RAP1GAP2: variants seen among roughly 807,000 people sequenced by gnomAD.
RAP1GAP2 encodes rap1 GTPase-activating protein 2.
Under a neutral mutation model 95.0 loss-of-function variants are expected in RAP1GAP2, and 27 were observed. That is an observed-to-expected ratio of 0.28 (90% confidence interval 0.21 to 0.39). The LOEUF (loss-of-function observed/expected upper bound fraction) is 0.39, where lower values mean the gene tolerates loss of function less well. Among genes scored for constraint, RAP1GAP2 ranks in the 10% least tolerant of loss-of-function variants. The pLI is 1.00. For missense variants in RAP1GAP2, 771 were observed against 970.0 expected, an observed-to-expected ratio of 0.79 and a Z score of 2.72; for synonymous variants, 373 against 380.9, an observed-to-expected ratio of 0.98 and a Z score of 0.24.
At chr17:2,897,840 C>T (rs908679956) in intron 2 of RAP1GAP2, among the ~76,000 whole-genome samples, 1 of 152,086 alleles carries the variant, frequency 6.6e-6, no homozygotes, top group African/African-American at 2.4e-5. Flanking sequence ...GTGCTTTCTC[C>T]CACGGCTGCT....
At chr17:2,972,598 C>CAAAAA (rs35539479) in intron 8 of RAP1GAP2, among the ~76,000 whole-genome samples, 19 of 85,480 alleles carry the variant, frequency 2.2e-4, no homozygotes, top group African/African-American at 7.7e-4. Flanking sequence ...AAGTCCTTCT[C>CAAAAA]AAAAAAAAAA....
At chr17:2,764,290 G>C (rs1233994288) in intron 1 of RAP1GAP2, among the ~76,000 whole-genome samples, 2 of 151,226 alleles carry the variant, frequency 1.3e-5, no homozygotes, top group Non-Finnish European at 2.9e-5. Context: ...AAATTAGCCG[G>C]GCATGGTGGC....
intron 3 of RAP1GAP2, among the ~76,000 whole-genome samples, chr17:2,926,103 G>A (rs1468088408): frequency 6.9e-6 from 1 of 143,930 alleles, no homozygotes; most frequent in Non-Finnish European, 1.5e-5. Flanking sequence ...TCATGCCCGG[G>A]CAACACAGCA....
At chr17:2,957,897 G>T in intron 4 of RAP1GAP2, 103 bp downstream of exon 4, 1 of 1,240,194 alleles carries the variant, frequency 8.1e-7, no homozygotes, top group Non-Finnish European at 1.1e-6. Flanking sequence ...TGCCCTGGAC[G>T]GGGGTGCAGA....
At chr17:2,794,325 T>C (rs2069009561), upstream of RAP1GAP2, among the ~76,000 whole-genome samples, 1 of 152,088 alleles carries the variant, frequency 6.6e-6, no homozygotes, top group African/African-American at 2.4e-5. Context: ...CTCCTGACCC[T>C]GGAGGTGGAT....
rs745807380 is a variant in RAP1GAP2 at position 2,999,104 on chromosome 17, G to A, written c.1200+728G>A. Reference sequence around the variant, plus strand: ...GGGTCTGAACCTCCCAAGCAGTCACGGGTCTGTCAGATGGCTCGAAATCCT... The same window carrying A: ...GGGTCTGAACCTCCCAAGCAGTCACAGGTCTGTCAGATGGCTCGAAATCCT... On this transcript the variant is annotated intron_variant, in intron 14 of 24. Transcript: ENST00000254695. Among the ~76,000 whole-genome samples the A allele has an allele frequency of 7.9e-5, 12 of 152,150 alleles. No individual in the cohort carries two copies. In the South Asian group the frequency reaches 8.3e-4, roughly 11 times the overall value.
At chr17:2,884,101 G>A (rs1403704413) in intron 2 of RAP1GAP2, among the ~76,000 whole-genome samples, 2 of 152,206 alleles carry the variant, frequency 1.3e-5, no homozygotes, top group Admixed American at 1.3e-4. Flanking sequence ...TGTGGGGGAT[G>A]CATGGGGCAC....
chr17:2,859,516 A>G (rs1597453930), intron 2 of RAP1GAP2, among the ~76,000 whole-genome samples: 1 of 152,176 alleles, frequency 6.6e-6, no homozygotes, highest in East Asian at 1.9e-4. Flanking sequence ...GCTTACTGCA[A>G]CTTCCGCCTC....
At chr17:2,778,678 C>T (rs57649835) in intron 1 of RAP1GAP2, among the ~76,000 whole-genome samples, 22,844 of 152,058 alleles carry the variant, frequency 0.15, 1,860 homozygotes, top group South Asian at 0.34. Flanking sequence ...CAGACCTGGG[C>T]GTAAGTCCCA....
intron 19 of RAP1GAP2, among the ~76,000 whole-genome samples, chr17:3,023,465 C>T (rs1045440433): frequency 9.2e-5 from 14 of 152,092 alleles, no homozygotes; most frequent in African/African-American, 3.4e-4. Context: ...CTGCCTATAG[C>T]CCTGGGTGGT....
chr17:2,811,883 T>G (rs2069783151), intron 2 of RAP1GAP2, among the ~76,000 whole-genome samples: 1 of 151,512 alleles, frequency 6.6e-6, no homozygotes, highest in Non-Finnish European at 1.5e-5. Flanking sequence ...CTGGCCTGAT[T>G]TTTGTATTTT....
At chr17:3,019,094 A>G (rs2046872216) in intron 18 of RAP1GAP2, among the ~76,000 whole-genome samples, 1 of 151,786 alleles carries the variant, frequency 6.6e-6, no homozygotes, top group East Asian at 1.9e-4. Context: ...AAATCAACTG[A>G]ATTTGAATGC....
chr17:2,981,921 G>A (rs1023651374), intron 10 of RAP1GAP2, among the ~76,000 whole-genome samples: 18 of 152,192 alleles, frequency 1.2e-4, no homozygotes, highest in African/African-American at 1.7e-4. Flanking sequence ...CCAGTGCATC[G>A]ACTGCGTCTT....
chr17:2,931,686 C>T (rs1393542653), intron 3 of RAP1GAP2, among the ~76,000 whole-genome samples: 1 of 152,134 alleles, frequency 6.6e-6, no homozygotes, highest in African/African-American at 2.4e-5. Flanking sequence ...TCACTCGGGA[C>T]CGAAGCACTT....
intron 5 of RAP1GAP2, 44 bp downstream of exon 5, chr17:2,962,758 G>C: frequency 6.5e-7 from 1 of 1,530,686 alleles, no homozygotes; most frequent in Non-Finnish European, 8.8e-7. Context: ...CCCTGGTGAG[G>C]GGCTAGGGCG....
At chr17:2,907,927 C>T (rs922091440) in intron 3 of RAP1GAP2, among the ~76,000 whole-genome samples, 1 of 152,166 alleles carries the variant, frequency 6.6e-6, no homozygotes, top group Non-Finnish European at 1.5e-5. Flanking sequence ...CTACCTGAGC[C>T]TCCCGAGTAG....
chr17:2,851,223 G>C (rs2071834342), intron 2 of RAP1GAP2, among the ~76,000 whole-genome samples: 1 of 152,210 alleles, frequency 6.6e-6, no homozygotes, highest in South Asian at 2.1e-4. Flanking sequence ...GCTGGAAATG[G>C]TCTTCTTTTG....
At position 3,005,159 on chromosome 17, in the gene RAP1GAP2, A is replaced by G. The variant is rs1412662241; in HGVS notation, c.1201-210A>G. Among the ~76,000 whole-genome samples the G allele has an allele frequency of 6.6e-6, 1 of 152,132 alleles. No individual in the cohort carries two copies. Among genetic ancestry groups the G allele is most frequent in the African/African-American group, 2.4e-5 (1 of 41,420 alleles). ...CTGCTTCTGGCCTCCAGGAATGCAG[A>G]TGAGAGGCTGCGGATGGCCCCACAC... On this transcript the variant is annotated intron_variant, in intron 14 of 24. Transcript: ENST00000254695. This position sits in a 1 kb window ranked among gnomAD's most constrained non-coding sequence, Gnocchi z 5.2.
At chr17:3,013,283 G>A (rs1006221794) in intron 17 of RAP1GAP2, among the ~76,000 whole-genome samples, 4 of 152,224 alleles carry the variant, frequency 2.6e-5, no homozygotes, top group African/African-American at 7.2e-5. Context: ...GCAGGGCCCC[G>A]CCAAGAATCC....
Sources: gnomAD v4.1 joint callset for allele counts (sites outside exome capture counted in the v4.1 genomes callset) on GRCh38, gnomAD v4.1.1 for gene constraint, Gnocchi (gnomAD v3.1) non-coding constraint, MANE v1.5 for transcripts, NCBI Gene and HGNC (gene_info 2026-07-23, HGNC 2026-07-21) for gene names.